Variants in FNTA observed in about 807,000 individuals in gnomAD.
FNTA encodes the protein farnesyltransferase, CAAX box, subunit alpha, also known as protein farnesyltransferase/geranylgeranyltransferase type-1 subunit alpha.
FNTA carries 27 observed loss-of-function variants against 55.2 expected under a neutral mutation model. The ratio of observed to expected loss-of-function variants is 0.49; its 90% confidence interval spans 0.36 to 0.67. The LOEUF is 0.67. FNTA is among the 30% of genes least tolerant of loss of function. FNTA has a pLI of 0.00. For missense variants in FNTA, 422 were observed against 464.7 expected (o/e 0.91, Z 0.85); for synonymous variants, 176 against 170.7 (o/e 1.03, Z -0.24).
intron 3 of FNTA, among the ~76,000 whole-genome samples, chr8:43,064,717 C>T (rs1355271937): frequency 6.6e-6 from 1 of 152,112 alleles, no homozygotes; most frequent in Admixed American, 6.6e-5. Flanking sequence ...CTGCCAGTCC[C>T]ACTCCGCAGA....
At chr8:43,065,369 TC>T (rs1295148826) in intron 3 of FNTA, among the ~76,000 whole-genome samples, 1 of 152,088 alleles carries the variant, frequency 6.6e-6, no homozygotes, top group Non-Finnish European at 1.5e-5. Context: ...TGCCTCAGCC[TC>T]CCAGGTAGCT....
chr8:43,070,154 G>A (rs1157062431), intron 4 of FNTA: 4 of 151,180 alleles, frequency 2.6e-5, no homozygotes, highest in Non-Finnish European at 5.9e-5. Context: ...CAAGGAGCGT[G>A]CCTGTAATCC....
intron 6 of FNTA, 27 bp from the exon 7 acceptor site, chr8:43,083,091 A>G (rs762394310): frequency 7.4e-7 from 1 of 1,360,326 alleles, no homozygotes; most frequent in East Asian, 2.3e-5. Flanking sequence ...GTTCTTTTAA[A>G]ATTGTATATA....
Position 43,056,407 on chromosome 8 carries a change from C to G in FNTA, c.61C>G (p.Gln21Glu). 2.0e-6 allele frequency: 3 copies of G among 1,516,392 alleles called. No homozygotes were observed. The highest frequency in any genetic ancestry group is 2.6e-6 in the Non-Finnish European group (3 of 1,135,208). The allele number at this position is 1,516,392 out of a possible 1,614,324, so 93.9% of individuals were successfully genotyped here. A position where few individuals can be genotyped will look rare whatever the true frequency, so the allele number is the denominator to read the frequency against. Residue 21 changes from glutamine (Q) to glutamate (E), a missense_variant, in exon 1 of 9, where the codon CAA becomes GAA. Around this residue, in one of 2 missense-constraint regions of FNTA, gnomAD observed 160 missense variants for 121.6 expected, o/e 1.32. Coordinates refer to ENST00000302279, the MANE Select transcript of FNTA (RefSeq NM_002027.3). ...AQGGEPGQPA[Q>E]PPPQPHPPPP... ...AGGGGGCGAGCCCGGGCAGCCGGCG[C>G]AACCCCCGCCCCAGCCGCACCCACC...
chr8:43,083,080 T>G (rs761598321), intron 6 of FNTA, 38 bp from the exon 7 acceptor site: 18 of 1,238,970 alleles, frequency 1.5e-5, no homozygotes, highest in Non-Finnish European at 4.6e-6. Flanking sequence ...ATCATTGCAC[T>G]GTTCTTTTAA....
intron 3 of FNTA, among the ~76,000 whole-genome samples, chr8:43,066,315 G>C (rs1424253963): frequency 6.7e-6 from 1 of 149,668 alleles, no homozygotes; most frequent in South Asian, 2.1e-4. Flanking sequence ...GGAGTGCAGT[G>C]GCTCGATCTC....
chr8:43,078,832 C>T (rs1810965438), intron 6 of FNTA: 1 of 152,230 alleles, frequency 6.6e-6, no homozygotes, highest in African/African-American at 2.4e-5. Flanking sequence ...GCACCAAACA[C>T]CAAACTCATA....
At chr8:43,071,891 A>G (rs560324565) in intron 4 of FNTA, among the ~76,000 whole-genome samples, 1 of 152,328 alleles carries the variant, frequency 6.6e-6, no homozygotes. Context: ...TGATAAAATA[A>G]TAGCACATTT....
At chr8:43,063,120 C>T (rs1220598635) in intron 2 of FNTA, among the ~76,000 whole-genome samples, 6 of 143,234 alleles carry the variant, frequency 4.2e-5, no homozygotes, top group Admixed American at 1.5e-4. Context: ...CAGTGTTGTG[C>T]TGTCACCCAG....
chr8:43,075,808 G>T (rs1013814468), intron 5 of FNTA, among the ~76,000 whole-genome samples: 1 of 151,962 alleles, frequency 6.6e-6, no homozygotes. Context: ...CAAGTGAGAC[G>T]CTGTCTCAAT....
chr8:43,085,246 C>G lies in FNTA; in HGVS notation c.1104C>G (p.Ser368Arg). 5 of 1,608,858 alleles carry G rather than the reference C, an allele frequency of 3.1e-6. No individual in the cohort carries two copies. The highest frequency in any genetic ancestry group is 4.2e-6 in the Non-Finnish European group (5 of 1,178,722). Residue 368 changes from serine (S) to arginine (R), a missense_variant, in exon 9 of 9, where the codon AGC becomes AGG. Physicochemically the swap from Ser to Arg is moderately radical, Grantham distance 110. Coordinates refer to ENST00000302279, the MANE Select transcript of FNTA (RefSeq NM_002027.3). ...GAAGATCCCTTCAAAGCAAACACAG[C>G]ACAGAAAATGACTCACCAACAAATG... The part of the protein sequence containing the change: ...YIGRSLQSKH[S>R]TENDSPTNVQ...
intron 6 of FNTA, chr8:43,078,474 T>A (rs538164272): frequency 8.5e-5 from 13 of 152,284 alleles, no homozygotes; most frequent in African/African-American, 3.1e-4. Flanking sequence ...TACTCCTCAG[T>A]ATTTCACATT....
Position 43,083,168 on chromosome 8 carries a change from A to G in FNTA, c.833A>G (p.Asn278Ser). The change falls in exon 7 of 9, where the codon AAC (asparagine) becomes AGC (serine). Residue 278 changes from asparagine (N) to serine (S), a missense_variant. By Grantham distance (46) the Asn-to-Ser change is conservative. Coordinates refer to ENST00000302279, the MANE Select transcript of FNTA (RefSeq NM_002027.3). Reference protein sequence around the residue: ...KLVPHNESAWNYLKGILQDRG... With the variant: ...KLVPHNESAWSYLKGILQDRG... ...GTACCACATAATGAAAGTGCATGGAACTATTTGAAAGGGTAAGAGGTTGTT... is the reference window on the plus strand; with the variant it reads ...GTACCACATAATGAAAGTGCATGGAGCTATTTGAAAGGGTAAGAGGTTGTT... 6.3e-7 allele frequency: 1 copy of G among 1,586,440 alleles called. No homozygotes were observed. Among genetic ancestry groups the G allele is most frequent in the Non-Finnish European group, 8.6e-7 (1 of 1,168,816 alleles).
intron 6 of FNTA, chr8:43,079,110 CAT>C (rs960835949): frequency 1.3e-5 from 2 of 158,254 alleles, no homozygotes; most frequent in Non-Finnish European, 2.8e-5. Context: ...ATCTCCATAG[CAT>C]GGAAGTGCAA....
intron 3 of FNTA, among the ~76,000 whole-genome samples, chr8:43,064,694 A>G (rs189748799): frequency 5.0e-4 from 76 of 152,078 alleles, no homozygotes; most frequent in Non-Finnish European, 9.9e-4. Flanking sequence ...CTCTAGCCCA[A>G]TATTCCCTCC....
intron 4 of FNTA, among the ~76,000 whole-genome samples, chr8:43,071,650 G>A (rs1586657882): frequency 1.3e-5 from 2 of 151,172 alleles, no homozygotes; most frequent in African/African-American, 4.9e-5. Flanking sequence ...CCAGCCTGGG[G>A]GACAATGCAC....
chr8:43,084,656 G>A, intron 7 of FNTA, 54 bp from the exon 8 acceptor site: 1 of 1,408,986 alleles, frequency 7.1e-7, no homozygotes, highest in Non-Finnish European at 9.7e-7. Flanking sequence ...TCTTTCTACT[G>A]CTTTTGTTCT....
At chr8:43,075,937 T>G (rs1198884032) in intron 5 of FNTA, among the ~76,000 whole-genome samples, 2 of 151,902 alleles carry the variant, frequency 1.3e-5, no homozygotes, top group East Asian at 3.9e-4. Flanking sequence ...GGTGCAGTCA[T>G]AGCTCACTGC....
At chr8:43,074,502 G>A (rs895660889) in intron 5 of FNTA, among the ~76,000 whole-genome samples, 1 of 151,850 alleles carries the variant, frequency 6.6e-6, no homozygotes, top group Non-Finnish European at 1.5e-5. Context: ...TCCATCCTGG[G>A]CAACAAAATG....
Sources: allele counts gnomAD v4.1 joint callset (sites outside exome capture counted in the v4.1 genomes callset), GRCh38; gene constraint gnomAD v4.1.1; regional missense constraint gnomAD v4.1.1; transcripts MANE v1.5; gene names NCBI Gene and HGNC (gene_info 2026-07-23, HGNC 2026-07-21).